GLIS3: variants seen among roughly 807,000 people sequenced by gnomAD.
GLIS3 encodes the protein GLIS family zinc finger 3.
GLIS3 carries 53 observed loss-of-function variants against 78.6 expected under a neutral mutation model. That is an observed-to-expected ratio of 0.67 (90% CI 0.54 to 0.85). The LOEUF is 0.85. Ranked by LOEUF, GLIS3 falls within the 40% of genes least tolerant of loss-of-function variation. The pLI is 0.00. For missense variants in GLIS3, 1,703 were observed against 1,231.1 expected (o/e 1.38, Z -5.74); for synonymous variants, 684 against 509.9 (o/e 1.34, Z -4.60).
intron 9 of GLIS3, among the ~76,000 whole-genome samples, chr9:3,848,031 T>C (rs1819167777): frequency 6.6e-6 from 1 of 152,256 alleles, no homozygotes; most frequent in African/African-American, 2.4e-5. Flanking sequence ...TCTATTACAA[T>C]GTTGATTTAT....
chr9:4,060,178 C>G (rs996975483), intron 4 of GLIS3, among the ~76,000 whole-genome samples: 1 of 152,170 alleles, frequency 6.6e-6, no homozygotes, highest in Non-Finnish European at 1.5e-5. Context: ...CCCTGAAACT[C>G]TCAGTGGAAT....
chr9:4,013,821 T>A (rs1330871384), intron 4 of GLIS3, among the ~76,000 whole-genome samples: 1 of 152,258 alleles, frequency 6.6e-6, no homozygotes, highest in Middle Eastern at 3.4e-3. Context: ...ATCTGGATGA[T>A]CCAACTGTGA....
intron 4 of GLIS3, among the ~76,000 whole-genome samples, chr9:3,979,498 C>T (rs905597652): frequency 3.9e-5 from 6 of 152,224 alleles, no homozygotes; most frequent in South Asian, 4.1e-4. Flanking sequence ...AGCTCTGCCT[C>T]GTTTCAGGCT....
chr9:3,836,855 C>G (rs1165153250), intron 9 of GLIS3, among the ~76,000 whole-genome samples: 1 of 152,176 alleles, frequency 6.6e-6, no homozygotes, highest in Admixed American at 6.5e-5. Context: ...TTCTGCTGTT[C>G]GTCTTCTTCT....
At chr9:4,098,220 C>T (rs1303333763) in intron 4 of GLIS3, among the ~76,000 whole-genome samples, 2 of 152,138 alleles carry the variant, frequency 1.3e-5, no homozygotes, top group Non-Finnish European at 2.9e-5. Flanking sequence ...AATGCTAGTT[C>T]CCTTTTGCAA....
chr9:3,924,443 G>A (rs1410666692), intron 6 of GLIS3, among the ~76,000 whole-genome samples: 2 of 152,194 alleles, frequency 1.3e-5, no homozygotes, highest in African/African-American at 2.4e-5. Flanking sequence ...TCATGGCAGT[G>A]CTTAAAAGAA....
At chr9:4,342,279 G>A (rs751464220) in intron 2 of GLIS3, among the ~76,000 whole-genome samples, 5 of 152,186 alleles carry the variant, frequency 3.3e-5, no homozygotes, top group Non-Finnish European at 5.9e-5. Context: ...ATGATGAAAG[G>A]AAGGGATCCA....
intron 4 of GLIS3, among the ~76,000 whole-genome samples, chr9:4,014,446 C>A (rs1822279192): frequency 6.6e-6 from 1 of 151,964 alleles, no homozygotes; most frequent in Non-Finnish European, 1.5e-5. Context: ...GCCCTTAATG[C>A]AAAATGAATG....
intron 2 of GLIS3, among the ~76,000 whole-genome samples, chr9:4,224,773 A>G (rs1275405643): frequency 4.0e-5 from 6 of 151,190 alleles, no homozygotes; most frequent in African/African-American, 1.5e-4. Context: ...TGTTTTTGGA[A>G]CAAAGGAAGT....
At chr9:3,853,577 C>G (rs1469885472) in intron 9 of GLIS3, among the ~76,000 whole-genome samples, 1 of 152,200 alleles carries the variant, frequency 6.6e-6, no homozygotes, top group Non-Finnish European at 1.5e-5. Context: ...CTTTTTTTGT[C>G]AAATCTTCCT....
At chr9:4,148,579 C>T (rs563372751) in intron 2 of GLIS3, among the ~76,000 whole-genome samples, 1 of 151,924 alleles carries the variant, frequency 6.6e-6, no homozygotes, top group Non-Finnish European at 1.5e-5. Context: ...ACTGGCAGGC[C>T]CATGAGGACA....
At chr9:3,932,628 G>C (rs956031974) in intron 5 of GLIS3, among the ~76,000 whole-genome samples, 158 bp from the exon 6 acceptor site, 1 of 152,218 alleles carries the variant, frequency 6.6e-6, no homozygotes, top group African/African-American at 2.4e-5. Context: ...ACAAAGTCTA[G>C]TAACTTTGTA....
chr9:4,289,391 A>G (rs71510210), intron 1 of GLIS3, among the ~76,000 whole-genome samples: 5,648 of 152,280 alleles, frequency 0.037, 147 homozygotes, highest in Middle Eastern at 0.071. Flanking sequence ...AGCATTCTCT[A>G]CCACCCCCAT....
chr9:4,338,099 G>T (rs62546172), intron 2 of GLIS3, among the ~76,000 whole-genome samples: 1 of 151,150 alleles, frequency 6.6e-6, no homozygotes. Context: ...TTTGTCCATA[G>T]CATGACTTCT....
rs1178250085 is a variant in GLIS3 at position 4,054,282 on chromosome 9, C to T, written c.1710+63486G>A. On this transcript the variant is annotated intron_variant, in intron 4 of 10. Transcript: ENST00000381971. The stretch of plus-strand genomic sequence containing the variant: ...GTCACTGCTCTATTCTCAGCACAGA[C>T]CAGAGCCTGCAAACAACGTACTCTA... 6 of 936,988 alleles carry T rather than the reference C, an allele frequency of 6.4e-6. No individual in the cohort carries two copies. The Admixed American group carries it at 3.7e-4, about 58-fold the overall frequency. The allele number at this position is 936,988 out of a possible 1,614,324, so 58.0% of individuals were successfully genotyped here.
At chr9:4,266,140 G>C (rs572978760) in intron 2 of GLIS3, among the ~76,000 whole-genome samples, 6 of 151,664 alleles carry the variant, frequency 4.0e-5, no homozygotes, top group African/African-American at 1.5e-4. Context: ...GGATGGTCTC[G>C]ATCTCCTGAC....
intron 1 of GLIS3, among the ~76,000 whole-genome samples, chr9:4,289,751 G>C (rs996651805): frequency 2.0e-5 from 3 of 152,240 alleles, no homozygotes; most frequent in Admixed American, 6.5e-5. Context: ...GGCATAGCTA[G>C]AGTTTTATAC....
At chr9:4,479,416 C>T in the GLIS3 span, among the ~76,000 whole-genome samples, 262 of 152,102 alleles carry the variant, frequency 1.7e-3, no homozygotes, top group Non-Finnish European at 3.4e-3. Flanking sequence ...GTATTCTTTC[C>T]TGTCTTTTGG....
chr9:4,324,187 T>C (rs1006208629), intron 2 of GLIS3, among the ~76,000 whole-genome samples: 1 of 152,214 alleles, frequency 6.6e-6, no homozygotes, highest in Non-Finnish European at 1.5e-5. Flanking sequence ...CCCATCACTT[T>C]ATCTTTATTT....
Sources: allele counts gnomAD v4.1 joint callset (sites outside exome capture counted in the v4.1 genomes callset), GRCh38; gene constraint gnomAD v4.1.1; transcripts MANE v1.5; gene names NCBI Gene and HGNC (gene_info 2026-07-23, HGNC 2026-07-21).